MAGI2: variants seen among roughly 807,000 people sequenced by gnomAD.
MAGI2 encodes the protein membrane-associated guanylate kinase, WW and PDZ domain-containing protein 2.
A neutral mutation model predicts 133.3 loss-of-function variants in MAGI2; 35 were observed. That is an observed-to-expected ratio of 0.26 (90% confidence interval 0.20 to 0.35). The LOEUF (loss-of-function observed/expected upper bound fraction) is 0.35. Among genes scored for constraint, MAGI2 ranks in the 10% least tolerant of loss-of-function variants. The probability of loss-of-function intolerance (pLI) is 1.00; values close to 1 mark genes in which losing one functional copy is unlikely to be tolerated. For missense variants in MAGI2, 1,636 were observed against 1,863.4 expected (o/e 0.88, Z 2.25); for synonymous variants, 729 against 710.6 (o/e 1.03, Z -0.41).
intron 7 of MAGI2, among the ~76,000 whole-genome samples, chr7:78,367,868 G>A (rs1293628819): frequency 6.6e-6 from 1 of 152,176 alleles, no homozygotes; most frequent in Non-Finnish European, 1.5e-5. Context: ...TAATTCATCA[G>A]CAATCTAGTG....
At chr7:78,940,248 A>T (rs964619208) in intron 2 of MAGI2, among the ~76,000 whole-genome samples, 2 of 152,190 alleles carry the variant, frequency 1.3e-5, no homozygotes, top group African/African-American at 4.8e-5. Flanking sequence ...ATTTAGAATG[A>T]CAGGTATTAC....
chr7:78,255,332 T>C (rs1792856058), intron 10 of MAGI2: 1 of 156,800 alleles, frequency 6.4e-6, no homozygotes, highest in African/African-American at 2.4e-5. Flanking sequence ...TCTTCCCAGA[T>C]CATGGGAGGC....
chr7:78,800,856 C>T (rs747410061), intron 2 of MAGI2, among the ~76,000 whole-genome samples: 6 of 151,918 alleles, frequency 3.9e-5, no homozygotes, highest in Non-Finnish European at 8.8e-5. Flanking sequence ...TTTCAGGTTC[C>T]AAGTGAAACA....
intron 1 of MAGI2, among the ~76,000 whole-genome samples, chr7:79,344,475 T>G (rs1841155853): frequency 6.6e-6 from 1 of 152,100 alleles, no homozygotes; most frequent in Admixed American, 6.6e-5. Context: ...ACTTGTGAAT[T>G]GTGATGGTGT....
intron 1 of MAGI2, among the ~76,000 whole-genome samples, chr7:79,039,656 C>A: frequency 6.6e-6 from 1 of 151,268 alleles, no homozygotes; most frequent in African/African-American, 2.4e-5. Context: ...TCAAGCAACT[C>A]AAAACTAAAA....
intron 2 of MAGI2, among the ~76,000 whole-genome samples, chr7:78,694,168 A>C (rs1817257893): frequency 6.6e-6 from 1 of 152,028 alleles, no homozygotes; most frequent in Non-Finnish European, 1.5e-5. Flanking sequence ...TAAAACAACA[A>C]ATCCAAAGTA....
intron 1 of MAGI2, among the ~76,000 whole-genome samples, chr7:79,263,022 A>G (rs1834190238): frequency 6.6e-6 from 1 of 152,140 alleles, no homozygotes. Flanking sequence ...TGGCTTATAT[A>G]TCATCATATC....
At chr7:78,765,012 G>A (rs748980750) in intron 2 of MAGI2, among the ~76,000 whole-genome samples, 2 of 152,174 alleles carry the variant, frequency 1.3e-5, no homozygotes, top group Admixed American at 6.5e-5. Flanking sequence ...CAGGAAAAGA[G>A]GTACCTTAGG....
At chr7:79,256,486 C>CTCTT (rs1246315146) in intron 1 of MAGI2, among the ~76,000 whole-genome samples, 1 of 82,774 alleles carries the variant, frequency 1.2e-5, no homozygotes, top group Non-Finnish European at 2.3e-5. Context: ...CTCTCTCTCT[C>CTCTT]TTTTTTTTTT....
At chr7:78,827,693 G>A (rs1032961369) in intron 2 of MAGI2, among the ~76,000 whole-genome samples, 8 of 151,914 alleles carry the variant, frequency 5.3e-5, no homozygotes, top group African/African-American at 1.9e-4. Context: ...TACAATTTGA[G>A]CAACATAAAT....
intron 1 of MAGI2, among the ~76,000 whole-genome samples, chr7:79,360,929 G>A (rs1462010109): frequency 3.9e-5 from 6 of 152,062 alleles, no homozygotes; most frequent in African/African-American, 9.7e-5. Flanking sequence ...GATTGGTAGT[G>A]TGGATAAACA....
At chr7:78,615,292 C>T (rs1435231177) in intron 3 of MAGI2, 1 of 152,098 alleles carries the variant, frequency 6.6e-6, no homozygotes, top group Non-Finnish European at 1.5e-5. Flanking sequence ...AATTAGTATT[C>T]CTAGATATCC....
intron 9 of MAGI2, among the ~76,000 whole-genome samples, chr7:78,278,141 G>C (rs187088209): frequency 5.9e-5 from 9 of 152,240 alleles, no homozygotes; most frequent in East Asian, 3.9e-4. Context: ...AGTAGGGTAA[G>C]AGATGCTTAT....
chr7:78,807,017 A>G (rs1276792143), intron 2 of MAGI2, among the ~76,000 whole-genome samples: 3 of 152,050 alleles, frequency 2.0e-5, no homozygotes, highest in Non-Finnish European at 4.4e-5. Context: ...AGGACAAACT[A>G]TGGAGAAATA....
chr7:78,114,291 GTA>G (rs1399840346), intron 20 of MAGI2, among the ~76,000 whole-genome samples: 1 of 152,204 alleles, frequency 6.6e-6, no homozygotes, highest in Non-Finnish European at 1.5e-5. Context: ...AATAAATGAA[GTA>G]GATGTAAATC....
At position 79,398,554 on chromosome 7, in the gene MAGI2, G is replaced by A. The variant is rs117485686; in HGVS notation, c.301+54466C>T. On this transcript the variant is annotated intron_variant, in intron 1 of 21. Coordinates refer to ENST00000354212, the MANE Select transcript of MAGI2 (RefSeq NM_012301.4). Reference sequence around the variant, plus strand: ...AGTGTAAGCTTTGGAGAAGTATTCCGTAATACTGTTTTTCATCAGTGATGA... The same window carrying A: ...AGTGTAAGCTTTGGAGAAGTATTCCATAATACTGTTTTTCATCAGTGATGA... Among the ~76,000 whole-genome samples, 89 of 152,262 alleles carry A rather than the reference G, an allele frequency of 5.8e-4. No individual in the cohort carries two copies. In the East Asian group the frequency reaches 0.011, roughly 19 times the overall value.
chr7:78,573,331 TAAA>T (rs1801891123), intron 3 of MAGI2, among the ~76,000 whole-genome samples: 2 of 71,510 alleles, frequency 2.8e-5, no homozygotes, highest in African/African-American at 1.3e-4. Context: ...AATATATATA[TAAA>T]TATATATATA....
At chr7:78,919,055 A>C (rs1799022376) in intron 2 of MAGI2, among the ~76,000 whole-genome samples, 1 of 152,118 alleles carries the variant, frequency 6.6e-6, no homozygotes, top group Non-Finnish European at 1.5e-5. Flanking sequence ...ATATTGACTA[A>C]ATTGGACAGG....
chr7:79,340,446 T>C (rs542242898), intron 1 of MAGI2, among the ~76,000 whole-genome samples: 22 of 152,280 alleles, frequency 1.4e-4, no homozygotes, highest in Middle Eastern at 3.4e-3. Context: ...TTATGATTCA[T>C]GGTCTTCCTT....
Sources: gnomAD v4.1 joint callset for allele counts (sites outside exome capture counted in the v4.1 genomes callset) on GRCh38, gnomAD v4.1.1 for gene constraint, MANE v1.5 for transcripts, NCBI Gene and HGNC (gene_info 2026-07-23, HGNC 2026-07-21) for gene names.